TMC1: variants seen among roughly 807,000 people sequenced by gnomAD.
TMC1 encodes transmembrane channel-like protein 1.
TMC1 carries 84 observed loss-of-function variants against 105.8 expected under a neutral mutation model. The observed-to-expected ratio is 0.79, with a 90% CI of 0.67 to 0.95. The LOEUF is 0.95. TMC1 is among the 40% of genes least tolerant of loss of function. TMC1 has a pLI of 0.00. For missense variants in TMC1, 817 were observed against 914.1 expected, an observed-to-expected ratio of 0.89 and a Z score of 1.37; for synonymous variants, 315 against 311.5, an observed-to-expected ratio of 1.01 and a Z score of -0.12.
chr9:72,541,481 A>T (rs1260018267), intron 1 of TMC1, among the ~76,000 whole-genome samples: 1 of 152,134 alleles, frequency 6.6e-6, no homozygotes, highest in Non-Finnish European at 1.5e-5. Flanking sequence ...TGAGGTCAGG[A>T]GTTCGAGACC....
intron 13 of TMC1, among the ~76,000 whole-genome samples, chr9:72,779,235 T>C (rs1230215073): frequency 6.6e-6 from 1 of 152,124 alleles, no homozygotes; most frequent in African/African-American, 2.4e-5. Context: ...TAGACCTAAC[T>C]TATATCACAG....
intron 10 of TMC1, among the ~76,000 whole-genome samples, chr9:72,743,768 G>A (rs1403472293): frequency 6.6e-6 from 1 of 152,018 alleles, no homozygotes; most frequent in Non-Finnish European, 1.5e-5. Context: ...AACCTATTTA[G>A]TTTAGTGCTT....
At chr9:72,570,181 T>G (rs570139890) in intron 1 of TMC1, among the ~76,000 whole-genome samples, 62 of 152,088 alleles carry the variant, frequency 4.1e-4, no homozygotes, top group African/African-American at 1.5e-3. Flanking sequence ...CTGCAGTTTT[T>G]TTCTTTCCCT....
chr9:72,616,893 A>G (rs1450086367), intron 3 of TMC1, among the ~76,000 whole-genome samples: 1 of 152,008 alleles, frequency 6.6e-6, no homozygotes. Flanking sequence ...CCATCAAATC[A>G]CATTAGTGTT....
At chr9:72,697,176 G>A (rs930827016) in intron 7 of TMC1, among the ~76,000 whole-genome samples, 2 of 152,072 alleles carry the variant, frequency 1.3e-5, no homozygotes, top group African/African-American at 4.8e-5. Flanking sequence ...ATATTTTAGT[G>A]TACTTTGAGC....
At chr9:72,531,061 A>G (rs2132057452) in intron 1 of TMC1, among the ~76,000 whole-genome samples, 1 of 152,044 alleles carries the variant, frequency 6.6e-6, no homozygotes, top group African/African-American at 2.4e-5. Context: ...GATGGTCTCC[A>G]TCTCCTGACC....
intron 18 of TMC1, among the ~76,000 whole-genome samples, chr9:72,809,546 C>G (rs1331516309): frequency 1.3e-5 from 2 of 152,148 alleles, no homozygotes; most frequent in Non-Finnish European, 2.9e-5. Flanking sequence ...TGAACAAACT[C>G]TGTGCTAGGT....
chr9:72,750,553 C>A (rs919586341), intron 10 of TMC1, among the ~76,000 whole-genome samples: 1 of 149,806 alleles, frequency 6.7e-6, no homozygotes, highest in Admixed American at 6.6e-5. Context: ...CTTTTTTTTT[C>A]TCTCTCTCCC....
chr9:72,723,407 A>G (rs752413182), intron 8 of TMC1, among the ~76,000 whole-genome samples: 11 of 152,190 alleles, frequency 7.2e-5, no homozygotes, highest in Non-Finnish European at 1.6e-4. Context: ...CATTCACATT[A>G]GAGTTGATCT....
chr9:72,784,157 C>A (rs1828134008), intron 13 of TMC1, among the ~76,000 whole-genome samples: 1 of 152,012 alleles, frequency 6.6e-6, no homozygotes, highest in Non-Finnish European at 1.5e-5. Context: ...AAAATATTTG[C>A]AAACTATGCA....
intron 1 of TMC1, among the ~76,000 whole-genome samples, chr9:72,561,390 T>C (rs939734852): frequency 1.3e-5 from 2 of 151,820 alleles, no homozygotes; most frequent in Non-Finnish European, 2.9e-5. Context: ...TATTCTTCTC[T>C]GATCCATATA....
At chr9:72,780,178 G>A (rs1344212784) in intron 13 of TMC1, among the ~76,000 whole-genome samples, 1 of 152,114 alleles carries the variant, frequency 6.6e-6, no homozygotes, top group Non-Finnish European at 1.5e-5. Context: ...ATAAGCAAAG[G>A]AGAAATAAAA....
chr9:72,675,984 A>G (rs1029161115), intron 5 of TMC1, among the ~76,000 whole-genome samples: 3 of 152,148 alleles, frequency 2.0e-5, no homozygotes, highest in African/African-American at 7.2e-5. Flanking sequence ...AGTACCCAAA[A>G]TGACTGCTGG....
intron 3 of TMC1, among the ~76,000 whole-genome samples, chr9:72,621,338 C>T (rs2132127613): frequency 6.6e-6 from 1 of 152,254 alleles, no homozygotes; most frequent in Middle Eastern, 3.4e-3. Context: ...CCCTGTGTGC[C>T]TTACACGTAA....
intron 3 of TMC1, among the ~76,000 whole-genome samples, chr9:72,625,549 G>T (rs542475606): frequency 1.2e-3 from 187 of 152,086 alleles, no homozygotes; most frequent in Non-Finnish European, 2.2e-3. Context: ...TTAGCCGGGC[G>T]TGGTGGCGGG....
chr9:72,744,407 G>GA (rs1427408321), intron 10 of TMC1, among the ~76,000 whole-genome samples: 2 of 151,772 alleles, frequency 1.3e-5, no homozygotes, highest in African/African-American at 4.8e-5. Context: ...ACCAATCTAG[G>GA]AAAAAAAGAA....
intron 2 of TMC1, among the ~76,000 whole-genome samples, chr9:72,605,200 C>T (rs916217765): frequency 2.6e-5 from 4 of 152,140 alleles, no homozygotes; most frequent in African/African-American, 9.7e-5. Context: ...ATCCAAACAA[C>T]TGAGGGGTTA....
At chr9:72,688,464 T>C (rs1464043921) in intron 5 of TMC1, among the ~76,000 whole-genome samples, 1 of 152,168 alleles carries the variant, frequency 6.6e-6, no homozygotes, top group Non-Finnish European at 1.5e-5. Context: ...AACTTTGAAT[T>C]GGGCTTATAA....
chr9:72,835,747 C>CA (rs909750390), intron 23 of TMC1, among the ~76,000 whole-genome samples: 3 of 147,158 alleles, frequency 2.0e-5, no homozygotes, highest in Non-Finnish European at 4.6e-5. Flanking sequence ...GAAGCCTTTG[C>CA]AAACTAAGAA....
Sources: gnomAD v4.1 joint callset for allele counts (sites outside exome capture counted in the v4.1 genomes callset) on GRCh38, gnomAD v4.1.1 for gene constraint, MANE v1.5 for transcripts, NCBI Gene and HGNC (gene_info 2026-07-23, HGNC 2026-07-21) for gene names.